Variants in NRXN3 observed in about 807,000 individuals in gnomAD.
The protein encoded by NRXN3 is neurexin III.
Under a neutral mutation model 137.6 loss-of-function variants are expected in NRXN3, and 32 were observed. That is an observed-to-expected ratio of 0.23 (90% confidence interval 0.18 to 0.31). The LOEUF is 0.31. Among genes scored for constraint, NRXN3 ranks in the 10% least tolerant of loss-of-function variants. NRXN3 has a pLI of 1.00. For missense variants in NRXN3, 1,574 were observed against 2,062.5 expected (o/e 0.76, Z 4.59); for synonymous variants, 798 against 784.5 (o/e 1.02, Z -0.29).
At chr14:78,224,750 CTTTTT>C (rs35800837) in intron 1 of NRXN3, among the ~76,000 whole-genome samples, 2 of 64,828 alleles carry the variant, frequency 3.1e-5, no homozygotes, top group Non-Finnish European at 5.3e-5. Flanking sequence ...GTGCATGTGT[CTTTTT>C]TTTTTTTTTT....
chr14:79,720,559 G>GATGTT (rs542238429), intron 19 of NRXN3, among the ~76,000 whole-genome samples: 219 of 152,044 alleles, frequency 1.4e-3, no homozygotes, highest in Admixed American at 2.0e-3. Flanking sequence ...AACCTTTCTC[G>GATGTT]ATGTTCTGGA....
intron 15 of NRXN3, among the ~76,000 whole-genome samples, chr14:79,321,785 TAAC>T (rs2090069868): frequency 6.7e-6 from 1 of 149,548 alleles, no homozygotes; most frequent in South Asian, 2.1e-4. Context: ...TATGTATAAA[TAAC>T]TATATTAATA....
chr14:78,895,734 T>C (rs1280203695), intron 10 of NRXN3, among the ~76,000 whole-genome samples: 1 of 151,870 alleles, frequency 6.6e-6, no homozygotes, highest in Non-Finnish European at 1.5e-5. Context: ...TATGAGACTC[T>C]TCCTTTCATT....
intron 20 of NRXN3, among the ~76,000 whole-genome samples, chr14:79,818,400 C>G (rs1475025909): frequency 1.3e-5 from 2 of 152,178 alleles, no homozygotes; most frequent in Non-Finnish European, 2.9e-5. Flanking sequence ...CTGTTCAAAA[C>G]ATATGCCCAG....
chr14:79,861,880 C>A lies in NRXN3; in HGVS notation c.4632C>A (p.Asn1544Lys), dbSNP rs138628835. 6.2e-7 allele frequency: 1 copy of A among 1,613,896 alleles called. No individual in the cohort carries two copies. The highest frequency in any genetic ancestry group is 1.3e-5 in the African/African-American group (1 of 74,906). ...ACATCAGCAACTCCGCCCAGAGCAA[C>A]GGCACGCTCATGAAGGAGAAGCAGC... ...RNYISNSAQSNGTLMKEKQQS... is the reference protein window; with the variant it reads ...RNYISNSAQSKGTLMKEKQQS... The change falls in exon 21 of 21, where the codon AAC (asparagine) becomes AAA (lysine). Residue 1544 changes from asparagine (N) to lysine (K), a missense_variant. Around this residue, in one of 5 missense-constraint regions of NRXN3, gnomAD observed 320 missense variants for 387.1 expected, o/e 0.83. Transcript: ENST00000335750. This position sits in a 1 kb window ranked among gnomAD's most constrained non-coding sequence, Gnocchi z 5.4.
intron 15 of NRXN3, among the ~76,000 whole-genome samples, chr14:79,307,071 T>C (rs1345574011): frequency 6.6e-6 from 1 of 152,134 alleles, no homozygotes; most frequent in Non-Finnish European, 1.5e-5. Context: ...GTTTTTAGAG[T>C]TCTTTCACCT....
chr14:78,433,840 C>T (rs943558536), intron 4 of NRXN3, among the ~76,000 whole-genome samples: 10 of 152,074 alleles, frequency 6.6e-5, no homozygotes, highest in African/African-American at 2.2e-4. Context: ...AACAGTGGCT[C>T]GGACAACAAA....
intron 1 of NRXN3, among the ~76,000 whole-genome samples, chr14:78,232,050 C>A (rs2065487957): frequency 6.6e-6 from 1 of 152,238 alleles, no homozygotes; most frequent in African/African-American, 2.4e-5. Context: ...CTTTTGTGGG[C>A]ACATTGCTGC....
chr14:79,252,699 G>A (rs181797902), intron 15 of NRXN3, among the ~76,000 whole-genome samples: 3 of 152,242 alleles, frequency 2.0e-5, no homozygotes, highest in Admixed American at 6.5e-5. Flanking sequence ...TGAAAGCAGC[G>A]AATGAGACCT....
intron 19 of NRXN3, among the ~76,000 whole-genome samples, chr14:79,716,009 C>G (rs1236973827): frequency 6.6e-6 from 1 of 152,156 alleles, no homozygotes; most frequent in Non-Finnish European, 1.5e-5. Context: ...AGTTAAGGTC[C>G]CCACTTAATG....
intron 15 of NRXN3, among the ~76,000 whole-genome samples, chr14:78,994,443 C>T (rs908310176): frequency 6.6e-6 from 1 of 152,120 alleles, no homozygotes; most frequent in Non-Finnish European, 1.5e-5. Flanking sequence ...TGTTATGGTG[C>T]CCAACTCTTG....
chr14:78,888,856 C>CAT lies in NRXN3; in HGVS notation c.2276-68385_2276-68384insTA, dbSNP rs1471555910. ...GAGAGTAATCACACACATACACACA[C>CAT]ACACACACACACACACCCCAGATTT... is the stretch of plus-strand genomic sequence containing the variant. On this transcript the variant is annotated intron_variant, in intron 10 of 20. Coordinates refer to ENST00000335750, the MANE Select transcript of NRXN3 (RefSeq NM_001330195.2). Among the ~76,000 whole-genome samples, 1,484 of 151,558 alleles carry CAT rather than the reference C, an allele frequency of 9.8e-3. 32 individuals are homozygous for CAT. The highest frequency in any genetic ancestry group is 0.034 in the African/African-American group (1,391 of 41,228).
intron 19 of NRXN3, among the ~76,000 whole-genome samples, chr14:79,776,673 C>T (rs1361762497): frequency 6.6e-6 from 1 of 152,132 alleles, no homozygotes; most frequent in Admixed American, 6.5e-5. Flanking sequence ...GACATAGATG[C>T]TTGGACCACA....
chr14:79,350,887 A>G (rs764470450), intron 15 of NRXN3, among the ~76,000 whole-genome samples: 9 of 152,192 alleles, frequency 5.9e-5, no homozygotes, highest in Non-Finnish European at 8.8e-5. Flanking sequence ...TTAACTGCTT[A>G]TAAGACACCA....
At chr14:78,257,898 G>A (rs1348605046) in intron 2 of NRXN3, among the ~76,000 whole-genome samples, 1 of 152,174 alleles carries the variant, frequency 6.6e-6, no homozygotes, top group Non-Finnish European at 1.5e-5. Flanking sequence ...AGAAGCTATT[G>A]TACGGTTTTG....
chr14:79,441,201 A>T (rs1033158030), intron 15 of NRXN3, among the ~76,000 whole-genome samples: 1 of 151,758 alleles, frequency 6.6e-6, no homozygotes, highest in Admixed American at 6.6e-5. Flanking sequence ...CTTTTTTTTT[A>T]AATAGAAACC....
chr14:78,518,341 CTTTATG>C lies in NRXN3; in HGVS notation c.758-126774_758-126769del, dbSNP rs551249237. ...CTCACCCACCTGGAAGGATTGCAGTCTTTATGTTTAGCATCACTTTTTGTCATTTAA... is the reference window on the plus strand; with the variant it reads ...CTCACCCACCTGGAAGGATTGCAGTCTTTAGCATCACTTTTTGTCATTTAA... On this transcript the variant is annotated intron_variant, in intron 4 of 20. Coordinates refer to ENST00000335750, the MANE Select transcript of NRXN3 (RefSeq NM_001330195.2). Among the ~76,000 whole-genome samples, 385 of 152,132 alleles carry C rather than the reference CTTTATG, an allele frequency of 2.5e-3. 2 individuals carry two copies. The highest frequency in any genetic ancestry group is 8.6e-3 in the African/African-American group (359 of 41,528).
chr14:79,552,871 G>T (rs1336882203), intron 16 of NRXN3, among the ~76,000 whole-genome samples: 1 of 152,104 alleles, frequency 6.6e-6, no homozygotes, highest in African/African-American at 2.4e-5. Flanking sequence ...ACTCTGTCTG[G>T]GTGTGTTGTG....
chr14:78,359,066 T>C (rs553712095), intron 4 of NRXN3, among the ~76,000 whole-genome samples: 200 of 152,326 alleles, frequency 1.3e-3, no homozygotes, highest in Middle Eastern at 3.4e-3. Flanking sequence ...AGAAATGTAA[T>C]TCATTACTGT....
Sources: gnomAD v4.1 joint callset for allele counts (sites outside exome capture counted in the v4.1 genomes callset) on GRCh38, gnomAD v4.1.1 for gene constraint, gnomAD v4.1.1 regional missense constraint, Gnocchi (gnomAD v3.1) non-coding constraint, MANE v1.5 for transcripts, NCBI Gene and HGNC (gene_info 2026-07-23, HGNC 2026-07-21) for gene names.